The following FAT3 variants were observed in gnomAD, a reference collection of about 807,000 sequenced individuals.
FAT3 encodes the protein FAT atypical cadherin 3.
Under a neutral mutation model 310.2 loss-of-function variants are expected in FAT3, and 95 were observed. That is an observed-to-expected ratio of 0.31 (90% CI 0.26 to 0.36). The LOEUF (loss-of-function observed/expected upper bound fraction) is 0.36. FAT3 is among the 10% of genes least tolerant of loss of function. FAT3 has a pLI of 1.00. For synonymous variants in FAT3, 2,314 were observed against 2,192.9 expected (o/e 1.06, Z -1.54); for missense variants, 5,408 against 5,715.6 (o/e 0.95, Z 1.74).
At chr11:92,297,780 C>T (rs1946888980) in intron 1 of FAT3, among the ~76,000 whole-genome samples, 1 of 152,106 alleles carries the variant, frequency 6.6e-6, no homozygotes, top group African/African-American at 2.4e-5. Flanking sequence ...CCTGAGAGCT[C>T]ATCAATTCTG....
chr11:92,891,112 A>G lies in FAT3; in HGVS notation c.13769A>G (p.Ter4590TrpextTer71), dbSNP rs1324918558. 6.2e-7 allele frequency: 1 copy of G among 1,612,894 alleles called. No individual in the cohort carries two copies. Among genetic ancestry groups the G allele is most frequent in the Non-Finnish European group, 8.5e-7 (1 of 1,179,488 alleles). ...FVETQHQTQV[*>W] is the part of the protein sequence containing the mutation. ...GAGACTCAGCATCAGACTCAAGTGTAGACATCACATCTTGGGTACTTCACC... is the reference window on the plus strand; with the variant it reads ...GAGACTCAGCATCAGACTCAAGTGTGGACATCACATCTTGGGTACTTCACC... The change falls in exon 28 of 28, where the codon TAG becomes TGG. Residue 4590 changes from the stop codon to tryptophan (W), a stop_lost. Transcript: ENST00000525166.
At chr11:92,619,713 C>T (rs1940993500) in intron 3 of FAT3, among the ~76,000 whole-genome samples, 2 of 151,778 alleles carry the variant, frequency 1.3e-5, no homozygotes, top group South Asian at 4.2e-4. Context: ...AGTCGTTTCT[C>T]ATTTCTGATT....
intron 2 of FAT3, among the ~76,000 whole-genome samples, chr11:92,479,240 G>A (rs1363292879): frequency 6.7e-6 from 1 of 149,990 alleles, no homozygotes; most frequent in African/African-American, 2.5e-5. Context: ...CGAACTCCTG[G>A]GCCCAAGCAT....
Position 92,800,720 on chromosome 11 carries a change from T to C in FAT3, c.7707T>C (p.Ser2569=). The part of the protein sequence containing the change: ...DRENPLEGDV[S]IFVRALDGGG... ...AAAACCCTCTAGAAGGGGATGTTAG[T>C]ATTTTTGTGAGGGCCCTTGATGGTG... Residue 2569 remains serine (S), a synonymous_variant, in exon 10 of 28, where the codon AGT becomes AGC. Transcript: ENST00000525166. The C allele has an allele frequency of 6.2e-7, 1 of 1,613,836 alleles. No individual in the cohort carries two copies. Among genetic ancestry groups the C allele is most frequent in the Non-Finnish European group, 8.5e-7 (1 of 1,179,838 alleles).
At chr11:92,264,564 T>TG (rs1257706750) in intron 1 of FAT3, among the ~76,000 whole-genome samples, 1 of 152,156 alleles carries the variant, frequency 6.6e-6, no homozygotes, top group Non-Finnish European at 1.5e-5. Context: ...ATTTAAACTG[T>TG]GGGGGAATCT....
At chr11:92,662,785 A>G (rs908968718) in intron 3 of FAT3, among the ~76,000 whole-genome samples, 2 of 152,200 alleles carry the variant, frequency 1.3e-5, no homozygotes, top group African/African-American at 4.8e-5. Context: ...GTTTCATCAC[A>G]TCATCTTGAA....
At chr11:92,375,932 T>C (rs1202602613) in intron 2 of FAT3, among the ~76,000 whole-genome samples, 2 of 152,204 alleles carry the variant, frequency 1.3e-5, no homozygotes, top group Non-Finnish European at 1.5e-5. Context: ...ACAGAACTCT[T>C]TAAATTAGGT....
At chr11:92,299,645 GA>G (rs1397164907) in intron 1 of FAT3, among the ~76,000 whole-genome samples, 3 of 152,068 alleles carry the variant, frequency 2.0e-5, no homozygotes, top group Non-Finnish European at 4.4e-5. Flanking sequence ...ATCACAGCAG[GA>G]AACCTTTAGT....
Position 92,883,171 on chromosome 11 carries a change from C to A in FAT3, c.12715C>A (p.Pro4239Thr), listed in dbSNP as rs948202155. ...QVPVRPMAYT[P>T]CFQSDSRSNL... is the part of the protein sequence containing the mutation. ...CCCCGTGCGCCCCATGGCCTACACACCCTGCTTCCAGAGTGACTCCAGGAG... is the reference window on the plus strand; with the variant it reads ...CCCCGTGCGCCCCATGGCCTACACAACCTGCTTCCAGAGTGACTCCAGGAG... Residue 4239 changes from proline (P) to threonine (T), a missense_variant, in exon 24 of 28, where the codon CCC (proline) becomes ACC (threonine). Coordinates refer to ENST00000525166, the MANE Select transcript of FAT3 (RefSeq NM_001367949.2). This position sits in a 1 kb window ranked among gnomAD's most constrained non-coding sequence, Gnocchi z 4.2. 1 of 1,613,542 alleles carries A rather than the reference C, an allele frequency of 6.2e-7. No individual in the cohort carries two copies. Among genetic ancestry groups the A allele is most frequent in the Non-Finnish European group, 8.5e-7 (1 of 1,179,844 alleles).
At chr11:92,859,985 G>A (rs1949080251) in intron 21 of FAT3, among the ~76,000 whole-genome samples, 1 of 152,138 alleles carries the variant, frequency 6.6e-6, no homozygotes, top group African/African-American at 2.4e-5. Flanking sequence ...TGCATCACAT[G>A]AGGTCAGGAG....
chr11:92,683,747 G>A (rs563951132), intron 3 of FAT3, among the ~76,000 whole-genome samples: 31 of 152,256 alleles, frequency 2.0e-4, no homozygotes, highest in African/African-American at 7.5e-4. Context: ...ATGAGACTAT[G>A]GAATGCAGCT....
chr11:92,879,938 T>TA (rs912871772), intron 22 of FAT3, among the ~76,000 whole-genome samples: 62 of 152,140 alleles, frequency 4.1e-4, no homozygotes, highest in Admixed American at 9.2e-4. Flanking sequence ...ATCTGTAATT[T>TA]AAAAAAACAA....
At chr11:92,643,748 A>C (rs536938803) in intron 3 of FAT3, among the ~76,000 whole-genome samples, 17 of 152,274 alleles carry the variant, frequency 1.1e-4, no homozygotes, top group Non-Finnish European at 2.2e-4. Context: ...AAGATGCAAA[A>C]ACTTTACCAC....
At chr11:92,395,582 C>CT (rs879447133) in intron 2 of FAT3, among the ~76,000 whole-genome samples, 4,404 of 144,414 alleles carry the variant, frequency 0.03, 230 homozygotes, top group African/African-American at 0.099. Flanking sequence ...TTCAGTGTCA[C>CT]TTTTTTTTTT....
chr11:92,768,338 C>T (rs535626918), intron 6 of FAT3, among the ~76,000 whole-genome samples: 1 of 152,318 alleles, frequency 6.6e-6, no homozygotes, highest in Admixed American at 6.5e-5. Flanking sequence ...TTTCCATCCC[C>T]ACATCCAGCC....
chr11:92,522,903 A>G (rs1207829748), intron 2 of FAT3, among the ~76,000 whole-genome samples: 3 of 152,162 alleles, frequency 2.0e-5, no homozygotes, highest in Non-Finnish European at 4.4e-5. Flanking sequence ...TCTGCTGAAT[A>G]TGTATGACTG....
chr11:92,563,225 C>A (rs1955296945), intron 3 of FAT3, among the ~76,000 whole-genome samples: 1 of 150,776 alleles, frequency 6.6e-6, no homozygotes, highest in Non-Finnish European at 1.5e-5. Context: ...ACTTCATTAT[C>A]TGAACATAAA....
At chr11:92,471,915 C>CTATATATATATA (rs140886151) in intron 2 of FAT3, among the ~76,000 whole-genome samples, 85 of 124,922 alleles carry the variant, frequency 6.8e-4, no homozygotes, top group South Asian at 1.7e-3. Context: ...TTTTCATATG[C>CTATATATATATA]TATATATATA....
At chr11:92,316,432 G>A (rs1204604877) in intron 1 of FAT3, among the ~76,000 whole-genome samples, 4 of 151,950 alleles carry the variant, frequency 2.6e-5, no homozygotes, top group Admixed American at 6.6e-5. Flanking sequence ...ACTAATCTAC[G>A]AGTCTGTTTT....
Sources: gnomAD v4.1 joint callset for allele counts (sites outside exome capture counted in the v4.1 genomes callset) on GRCh38, gnomAD v4.1.1 for gene constraint, Gnocchi (gnomAD v3.1) non-coding constraint, MANE v1.5 for transcripts, NCBI Gene and HGNC (gene_info 2026-07-23, HGNC 2026-07-21) for gene names.